REDIC1: variants seen among roughly 807,000 people sequenced by gnomAD.
REDIC1 encodes the protein regulator of DNA class I crossover intermediates 1.
At chr12:39,797,344 A>T in the REDIC1 span, among the ~76,000 whole-genome samples, 4 of 152,198 alleles carry the variant, frequency 2.6e-5, no homozygotes, top group East Asian at 3.8e-4. Context: ...TGGATTTCTG[A>T]CTTGCATTTC....
At chr12:39,669,178 G>A in the REDIC1 span, among the ~76,000 whole-genome samples, 1 of 152,018 alleles carries the variant, frequency 6.6e-6, no homozygotes, top group African/African-American at 2.4e-5. Context: ...CCCCATCTTT[G>A]TGGTTTTATC....
the REDIC1 span, among the ~76,000 whole-genome samples, chr12:39,885,147 A>T: frequency 2.6e-5 from 4 of 152,336 alleles, no homozygotes; most frequent in South Asian, 6.2e-4. Context: ...ACTGCAGCTC[A>T]TGAGGCAAAA....
At chr12:39,674,579 A>AGG in the REDIC1 span, among the ~76,000 whole-genome samples, 1 of 152,122 alleles carries the variant, frequency 6.6e-6, no homozygotes, top group Non-Finnish European at 1.5e-5. Context: ...CCAAAGTGTG[A>AGG]GGGGGGGATA....
At chr12:39,716,163 A>G in the REDIC1 span, among the ~76,000 whole-genome samples, 1 of 151,980 alleles carries the variant, frequency 6.6e-6, no homozygotes, top group African/African-American at 2.4e-5. Flanking sequence ...TTCATAAACA[A>G]GGGAACAGGA....
the REDIC1 span, among the ~76,000 whole-genome samples, chr12:39,696,352 G>A: frequency 6.6e-6 from 1 of 150,962 alleles, no homozygotes; most frequent in Admixed American, 6.6e-5. Flanking sequence ...GACCATCCCG[G>A]CTAAAACGGT....
chr12:39,793,236 T>TTTTCTTTAG, the REDIC1 span, among the ~76,000 whole-genome samples: 1 of 152,114 alleles, frequency 6.6e-6, no homozygotes, highest in East Asian at 1.9e-4. Flanking sequence ...ATTCTATTTA[T>TTTTCTTTAG]AATAGCACTA....
chr12:39,715,439 T>C, the REDIC1 span, among the ~76,000 whole-genome samples: 11 of 151,866 alleles, frequency 7.2e-5, no homozygotes. Flanking sequence ...TTTATACCAG[T>C]ACCATGCACA....
At chr12:39,880,306 G>GA in the REDIC1 span, among the ~76,000 whole-genome samples, 1 of 152,088 alleles carries the variant, frequency 6.6e-6, no homozygotes, top group African/African-American at 2.4e-5. Context: ...AGCTTTAATA[G>GA]AAAAATGTTT....
At chr12:39,720,956 A>G in the REDIC1 span, 1 of 1,613,642 alleles carries the variant, frequency 6.2e-7, no homozygotes, top group South Asian at 1.1e-5. Context: ...GAGAATTTCT[A>G]CCAGTTCTCA....
At chr12:39,837,370 C>A in the REDIC1 span, among the ~76,000 whole-genome samples, 2 of 136,304 alleles carry the variant, frequency 1.5e-5, no homozygotes, top group Non-Finnish European at 3.2e-5. Context: ...AACGTTAGAC[C>A]TAAAACCATA....
chr12:39,882,791 T>C, the REDIC1 span, among the ~76,000 whole-genome samples: 1 of 152,226 alleles, frequency 6.6e-6, no homozygotes, highest in Non-Finnish European at 1.5e-5. Context: ...GCTAGAATTA[T>C]TACTCTTTCC....
the REDIC1 span, among the ~76,000 whole-genome samples, chr12:39,715,527 A>G: frequency 6.6e-6 from 1 of 151,938 alleles, no homozygotes; most frequent in African/African-American, 2.4e-5. Flanking sequence ...ATTCAATGCA[A>G]TTCCCATGAA....
At chr12:39,857,111 G>A in the REDIC1 span, among the ~76,000 whole-genome samples, 3 of 152,292 alleles carry the variant, frequency 2.0e-5, no homozygotes, top group Middle Eastern at 3.4e-3. Context: ...AAGTCCCATG[G>A]ATTATCAGAG....
the REDIC1 span, among the ~76,000 whole-genome samples, chr12:39,675,963 C>A: frequency 6.6e-6 from 1 of 152,154 alleles, no homozygotes; most frequent in South Asian, 2.1e-4. Context: ...CCCTGTGTTC[C>A]AGATCCTTTC....
At chr12:39,659,480 CATT>C in the REDIC1 span, among the ~76,000 whole-genome samples, 1 of 152,050 alleles carries the variant, frequency 6.6e-6, no homozygotes, top group Non-Finnish European at 1.5e-5. Context: ...TTTTTTCTCT[CATT>C]GTTTTATTTT....
chr12:39,847,129 C>T, the REDIC1 span, among the ~76,000 whole-genome samples: 12 of 152,290 alleles, frequency 7.9e-5, no homozygotes, highest in African/African-American at 2.9e-4. Flanking sequence ...TTCTAATGAG[C>T]ACAGAGAGAA....
At chr12:39,769,255 T>C in the REDIC1 span, among the ~76,000 whole-genome samples, 25 of 152,236 alleles carry the variant, frequency 1.6e-4, no homozygotes, top group African/African-American at 6.0e-4. Context: ...TTTCTTACTA[T>C]CTTGTAATCC....
At chr12:39,877,634 A>G in the REDIC1 span, among the ~76,000 whole-genome samples, 1 of 152,210 alleles carries the variant, frequency 6.6e-6, no homozygotes, top group Non-Finnish European at 1.5e-5. Flanking sequence ...CTAATTTTTA[A>G]AAGTCAGGTC....
the REDIC1 span, among the ~76,000 whole-genome samples, chr12:39,712,793 GTA>G: frequency 3.8e-4 from 40 of 104,778 alleles, no homozygotes; most frequent in African/African-American, 8.3e-4. Flanking sequence ...ATACGTATAT[GTA>G]TATATGTGTA....
Sources: gnomAD v4.1 joint callset for allele counts (sites outside exome capture counted in the v4.1 genomes callset) on GRCh38, gnomAD v4.1.1 for gene constraint, MANE v1.5 for transcripts, NCBI Gene and HGNC (gene_info 2026-07-23, HGNC 2026-07-21) for gene names.